Variants in PDE1C observed in about 807,000 individuals in gnomAD.
PDE1C encodes phosphodiesterase 1C, also known as dual specificity calcium/calmodulin-dependent 3',5'-cyclic nucleotide phosphodiesterase 1C.
PDE1C carries 62 observed loss-of-function variants against 93.1 expected under a neutral mutation model. The observed-to-expected ratio is 0.67, with a 90% CI of 0.54 to 0.82. The LOEUF (loss-of-function observed/expected upper bound fraction) is 0.82, where lower values mean the gene tolerates loss of function less well. Ranked by LOEUF, PDE1C falls within the 40% of genes least tolerant of loss-of-function variation. The pLI, the probability that PDE1C is intolerant of heterozygous loss-of-function variation, is 0.00. For synonymous variants in PDE1C, 325 were observed against 310.1 expected (o/e 1.05, Z -0.50); for missense variants, 742 against 884.6 (o/e 0.84, Z 2.04).
chr7:31,975,244 A>ATT (rs1563130084), intron 2 of PDE1C, among the ~76,000 whole-genome samples: 2 of 152,176 alleles, frequency 1.3e-5, no homozygotes, highest in African/African-American at 4.8e-5. Context: ...CAACCTGACT[A>ATT]CTATATTCTA....
chr7:32,309,975 G>A (rs1813128765), intron 1 of PDE1C, among the ~76,000 whole-genome samples: 1 of 152,266 alleles, frequency 6.6e-6, no homozygotes, highest in East Asian at 1.9e-4. Context: ...AAAGAGTTAA[G>A]ACCCATCAGT....
chr7:31,790,070 A>C, intron 16 of PDE1C: 1 of 1,426,280 alleles, frequency 7.0e-7, no homozygotes, highest in South Asian at 1.6e-5. Flanking sequence ...CATCCCCTGG[A>C]AGGAGATGGT....
At chr7:32,207,290 A>G (rs949521418) in intron 2 of PDE1C, among the ~76,000 whole-genome samples, 4 of 151,080 alleles carry the variant, frequency 2.6e-5, no homozygotes, top group Non-Finnish European at 5.9e-5. Flanking sequence ...GGCAACGCAC[A>G]CTGTCAAGGC....
At chr7:32,189,947 T>C (rs1374275999) in intron 2 of PDE1C, among the ~76,000 whole-genome samples, 2 of 152,218 alleles carry the variant, frequency 1.3e-5, no homozygotes, top group Admixed American at 1.3e-4. Flanking sequence ...CTAAGATGTC[T>C]TCTTCTGAGG....
chr7:31,695,819 A>G, the PDE1C span: 1 of 417,248 alleles, frequency 2.4e-6, no homozygotes, highest in Non-Finnish European at 3.9e-6. Context: ...GCTTAATACA[A>G]TAAAAGTTTA....
intron 1 of PDE1C, among the ~76,000 whole-genome samples, chr7:32,403,942 CAAT>C (rs1254328311): frequency 6.6e-6 from 1 of 152,082 alleles, no homozygotes; most frequent in Non-Finnish European, 1.5e-5. Flanking sequence ...CAGGAAATCA[CAAT>C]AATAATAATT....
intron 1 of PDE1C, among the ~76,000 whole-genome samples, chr7:32,359,952 C>T (rs1784104364): frequency 6.6e-6 from 1 of 152,202 alleles, no homozygotes; most frequent in Non-Finnish European, 1.5e-5. Context: ...CCTCCATTGA[C>T]TCCTCCTATA....
At chr7:31,748,604 A>G (rs1794055317), downstream of PDE1C, among the ~76,000 whole-genome samples, 2 of 152,268 alleles carry the variant, frequency 1.3e-5, no homozygotes, top group South Asian at 4.1e-4. Flanking sequence ...CTGTGAATGT[A>G]ACAAAAGTAT....
At chr7:32,209,671 C>A in intron 1 of PDE1C, 1 of 685,682 alleles carries the variant, frequency 1.5e-6, no homozygotes, top group Non-Finnish European at 2.4e-6. Flanking sequence ...TGAATAAAAG[C>A]AACTTTACTC....
chr7:31,826,818 C>T (rs1789727370), intron 12 of PDE1C, among the ~76,000 whole-genome samples: 1 of 152,162 alleles, frequency 6.6e-6, no homozygotes, highest in South Asian at 2.1e-4. Context: ...CTTCTAAAAA[C>T]AGGGTAGGCA....
At chr7:32,023,780 G>A (rs920661472) in intron 2 of PDE1C, among the ~76,000 whole-genome samples, 3 of 152,086 alleles carry the variant, frequency 2.0e-5, no homozygotes, top group Admixed American at 6.6e-5. Flanking sequence ...GGATGGGTGT[G>A]GCCATAAAAT....
intron 1 of PDE1C, among the ~76,000 whole-genome samples, chr7:32,235,606 G>A (rs1177188204): frequency 6.6e-6 from 1 of 151,954 alleles, no homozygotes; most frequent in Non-Finnish European, 1.5e-5. Flanking sequence ...AACATATACA[G>A]GATTTGAGTG....
chr7:31,930,848 C>CAAAAAAAAAAAAAAAAAAAAAAAAAA, intron 2 of PDE1C, among the ~76,000 whole-genome samples: 1 of 32,642 alleles, frequency 3.1e-5, no homozygotes, highest in Non-Finnish European at 4.7e-5. Context: ...GACTCTGTCT[C>CAAAAAAAAAAAAAAAAAAAAAAAAAA]AAAAAAAAAA....
intron 2 of PDE1C, among the ~76,000 whole-genome samples, chr7:32,194,001 A>G (rs1192184916): frequency 6.6e-5 from 9 of 136,514 alleles, no homozygotes; most frequent in Non-Finnish European, 1.5e-5. Context: ...TCCAAGCTCC[A>G]CCTCCCAGGT....
chr7:32,130,197 A>G (rs1445665646), intron 3 of PDE1C, among the ~76,000 whole-genome samples: 1 of 152,020 alleles, frequency 6.6e-6, no homozygotes, highest in African/African-American at 2.4e-5. Flanking sequence ...TCCCTTTCGC[A>G]TTCAAAACAA....
At chr7:31,979,745 A>C (rs2129057912) in intron 2 of PDE1C, among the ~76,000 whole-genome samples, 1 of 152,346 alleles carries the variant, frequency 6.6e-6, no homozygotes, top group Non-Finnish European at 1.5e-5. Context: ...AAATACAAAG[A>C]ATAATGTACT....
At chr7:31,669,958 A>G in the PDE1C span, among the ~76,000 whole-genome samples, 1 of 152,166 alleles carries the variant, frequency 6.6e-6, no homozygotes, top group South Asian at 2.1e-4. Context: ...AATGTGTTCA[A>G]CCTTGGAATG....
intron 2 of PDE1C, among the ~76,000 whole-genome samples, chr7:31,967,981 G>T (rs368052802): frequency 6.6e-6 from 1 of 152,158 alleles, no homozygotes; most frequent in South Asian, 2.1e-4. Context: ...AGCTGTCTAT[G>T]ACAAACCCAC....
chr7:32,135,348 GA>G (rs1323033480), intron 3 of PDE1C, among the ~76,000 whole-genome samples: 1 of 151,904 alleles, frequency 6.6e-6, no homozygotes, highest in Non-Finnish European at 1.5e-5. Context: ...CAAAATGAGA[GA>G]AAATAGTTGC....
Sources: gnomAD v4.1 joint callset for allele counts (sites outside exome capture counted in the v4.1 genomes callset) on GRCh38, gnomAD v4.1.1 for gene constraint, MANE v1.5 for transcripts, NCBI Gene and HGNC (gene_info 2026-07-23, HGNC 2026-07-21) for gene names.